Variants in ACSM3 observed in about 807,000 individuals in gnomAD.
ACSM3 encodes acyl-coenzyme A synthetase ACSM3, mitochondrial.
In ACSM3, 61 loss-of-function variants were observed where a neutral mutation model predicts 74.1. The observed-to-expected ratio is 0.82, with a 90% CI of 0.67 to 1.02. The LOEUF (loss-of-function observed/expected upper bound fraction) is 1.02. Ranked by LOEUF, ACSM3 falls within the 50% of genes least tolerant of loss-of-function variation. The probability of loss-of-function intolerance (pLI) is 0.00; values close to 1 mark genes in which losing one functional copy is unlikely to be tolerated. For synonymous variants in ACSM3, 213 were observed against 241.5 expected, an observed-to-expected ratio of 0.88 and a Z score of 1.09; for missense variants, 660 against 697.0, an observed-to-expected ratio of 0.95 and a Z score of 0.60.
intron 1 of ACSM3, among the ~76,000 whole-genome samples, chr16:20,678,827 G>A (rs2079372489): frequency 6.6e-6 from 1 of 152,172 alleles, no homozygotes; most frequent in Non-Finnish European, 1.5e-5. Flanking sequence ...TCAAAGGTAG[G>A]ATCAGGTCTT....
chr16:20,739,796 G>A (rs1300736590), intron 1 of ACSM3, among the ~76,000 whole-genome samples: 1 of 150,844 alleles, frequency 6.6e-6, no homozygotes, highest in African/African-American at 2.4e-5. Flanking sequence ...ACTCCAGCCT[G>A]GGTGACAGAG....
intron 9 of ACSM3, 62 bp downstream of exon 9, chr16:20,786,220 G>A (rs750464878): frequency 9.0e-6 from 14 of 1,557,240 alleles, no homozygotes; most frequent in East Asian, 4.8e-5. Context: ...CCTACCTACC[G>A]CTTACCCCCA....
intron 2 of ACSM3, among the ~76,000 whole-genome samples, chr16:20,751,599 G>T (rs1385729273): frequency 6.6e-6 from 1 of 152,126 alleles, no homozygotes; most frequent in Non-Finnish European, 1.5e-5. Context: ...CCCCTGCCAA[G>T]TGATAGTAGA....
Position 20,785,044 on chromosome 16 carries a change from G to T in ACSM3, c.1080G>T (p.Val360=), listed in dbSNP as rs1303413170. 6.2e-7 allele frequency: 1 copy of T among 1,613,626 alleles called. No homozygotes were observed. The highest frequency in any genetic ancestry group is 8.5e-7 in the Non-Finnish European group (1 of 1,179,794). Reference sequence around the variant, plus strand: ...CTGGGGAACCAATTACCCCTGACGTGACTGAAAAATGGAGAAACAAGACGG... The same window carrying T: ...CTGGGGAACCAATTACCCCTGACGTTACTGAAAAATGGAGAAACAAGACGG... ...VSAGEPITPD[V]TEKWRNKTGL... The change falls in exon 8 of 14, where the codon GTG becomes GTT. Residue 360 remains valine, a synonymous_variant. Coordinates refer to ENST00000289416, the MANE Select transcript of ACSM3 (RefSeq NM_005622.4).
In ACSM3 at chr16:20,796,587, C is replaced by T. The variant is rs944941535; in HGVS notation, c.1674+98C>T. 3.2e-6 allele frequency: 5 copies of T among 1,569,030 alleles called. No individual in the cohort carries two copies. The South Asian group carries it at 3.5e-5, about 11-fold the overall frequency. The stretch of plus-strand genomic sequence containing the variant: ...ATGAATATTTTCTTCACACATGCTG[C>T]ACCACATGTCCCAAACTGAACTGAT... On this transcript the variant is annotated intron_variant, in intron 13 of 13. Transcript: ENST00000289416.
At chr16:20,685,936 T>A (rs1409026584) in intron 1 of ACSM3, among the ~76,000 whole-genome samples, 1 of 149,714 alleles carries the variant, frequency 6.7e-6, no homozygotes, top group Non-Finnish European at 1.5e-5. Context: ...CATAAGACCA[T>A]AAACAGCCTT....
upstream of ACSM3, among the ~76,000 whole-genome samples, chr16:20,759,047 A>G (rs1235205472): frequency 6.6e-6 from 1 of 152,100 alleles, no homozygotes; most frequent in Non-Finnish European, 1.5e-5. Flanking sequence ...GCTTTTTTGT[A>G]TGCTAGTGAG....
At chr16:20,685,030 C>T (rs2079520633) in intron 1 of ACSM3, among the ~76,000 whole-genome samples, 1 of 152,210 alleles carries the variant, frequency 6.6e-6, no homozygotes, top group African/African-American at 2.4e-5. Context: ...ACTGATAATT[C>T]CCACAGGGCA....
In ACSM3 at chr16:20,781,712, T is replaced by A. The variant is rs2080356852; in HGVS notation, c.944T>A (p.Leu315His). Residue 315 changes from leucine (L) to histidine (H), a missense_variant, in exon 7 of 14, where the codon CTC becomes CAC. Leu to His is a moderately conservative substitution (Grantham distance 99). Transcript: ENST00000289416. ...TTTGCTTTTTCTAAATTGCAGACAC[T>A]CTCCAAGTACCCCATCACAGTCTTC... ...RFEPTSILQT[L>H]SKYPITVFCS... The A allele has an allele frequency of 6.2e-7, 1 of 1,611,852 alleles. No individual in the cohort carries two copies. The highest frequency in any genetic ancestry group is 1.7e-5 in the Admixed American group (1 of 59,996).
chr16:20,693,856 T>C (rs1428782718), intron 1 of ACSM3, among the ~76,000 whole-genome samples: 1 of 152,246 alleles, frequency 6.6e-6, no homozygotes, highest in African/African-American at 2.4e-5. Flanking sequence ...AAAAGTAAAA[T>C]AGAGGTTCCT....
chr16:20,729,444 T>C, intron 1 of ACSM3: 1 of 775,060 alleles, frequency 1.3e-6, no homozygotes, highest in South Asian at 1.5e-5. Context: ...AGGCTTCTTT[T>C]CCTTTTCAGG....
intron 1 of ACSM3, among the ~76,000 whole-genome samples, chr16:20,748,988 G>T (rs975990537): frequency 6.6e-6 from 1 of 151,956 alleles, no homozygotes; most frequent in Non-Finnish European, 1.5e-5. Context: ...GGAAATGGAG[G>T]TTCAATGAGC....
chr16:20,696,615 T>A (rs1249540938), intron 1 of ACSM3, among the ~76,000 whole-genome samples: 4 of 152,358 alleles, frequency 2.6e-5, no homozygotes, highest in Non-Finnish European at 5.9e-5. Flanking sequence ...TTAGAGCATA[T>A]CATTAAAGCA....
intron 1 of ACSM3, among the ~76,000 whole-genome samples, chr16:20,693,411 T>C (rs746323759): frequency 6.6e-6 from 1 of 152,142 alleles, no homozygotes; most frequent in Non-Finnish European, 1.5e-5. Context: ...TTGGAAAAAA[T>C]GGCTTAAGCT....
intron 3 of ACSM3, among the ~76,000 whole-genome samples, chr16:20,757,975 G>A (rs1468594733): frequency 6.6e-6 from 1 of 152,168 alleles, no homozygotes; most frequent in African/African-American, 2.4e-5. Context: ...TTGCATCCCA[G>A]GGATGAAGCC....
intron 1 of ACSM3, chr16:20,685,335 G>A: frequency 6.2e-7 from 1 of 1,614,184 alleles, no homozygotes; most frequent in Non-Finnish European, 8.5e-7. Context: ...TCTCTCTGAA[G>A]CTCCACTTTA....
chr16:20,741,478 C>CCGGGGGGGGGGGGGGG, intron 1 of ACSM3: 1 of 1,336,926 alleles, frequency 7.5e-7, no homozygotes, highest in Non-Finnish European at 9.7e-7. Flanking sequence ...GGCCTGGCAG[C>CCGGGGGGGGGGGGGGG]CGGCCCGCCC....
chr16:20,698,189 CAAAAAAAAAA>C (rs759884200), intron 1 of ACSM3, among the ~76,000 whole-genome samples: 5 of 75,244 alleles, frequency 6.6e-5, no homozygotes, highest in African/African-American at 2.5e-4. Flanking sequence ...GACTCTGTCT[CAAAAAAAAAA>C]AAAAAAAGAA....
chr16:20,699,297 GA>G (rs1453286293), intron 1 of ACSM3, among the ~76,000 whole-genome samples: 1 of 152,094 alleles, frequency 6.6e-6, no homozygotes, highest in Non-Finnish European at 1.5e-5. Flanking sequence ...TTTTCTACTG[GA>G]GCCATTTTTG....
Sources: gnomAD v4.1 joint callset for allele counts (sites outside exome capture counted in the v4.1 genomes callset) on GRCh38, gnomAD v4.1.1 for gene constraint, MANE v1.5 for transcripts, NCBI Gene and HGNC (gene_info 2026-07-23, HGNC 2026-07-21) for gene names.